Variants in ZMYND15 observed in about 807,000 individuals in gnomAD.
ZMYND15 encodes zinc finger MYND-type containing 15, also known as zinc finger MYND domain-containing protein 15.
Under a neutral mutation model 81.7 loss-of-function variants are expected in ZMYND15, and 54 were observed. The observed-to-expected ratio is 0.66, with a 90% CI of 0.53 to 0.83. ZMYND15 has a LOEUF of 0.83. Ranked by LOEUF, ZMYND15 falls within the 40% of genes least tolerant of loss-of-function variation. The pLI, the probability that ZMYND15 is intolerant of heterozygous loss-of-function variation, is 0.00. For synonymous variants in ZMYND15, 399 were observed against 387.0 expected, an observed-to-expected ratio of 1.03 and a Z score of -0.36; for missense variants, 925 against 973.5, an observed-to-expected ratio of 0.95 and a Z score of 0.66.
chr17:4,743,171 C>T lies in ZMYND15; in HGVS notation c.1145-132C>T, dbSNP rs1597282676. ...GGAGAATCGTTTGAGTCCAAGAGGT[C>T]GAGGCTGTAGTGTCCCGTGATCACG... On this transcript the variant is annotated intron_variant, in intron 5 of 13. Transcript: ENST00000433935. This position sits in a 1 kb window ranked among gnomAD's most constrained non-coding sequence, Gnocchi z 4.3. The T allele has an allele frequency of 4.7e-6, 5 of 1,069,236 alleles. No individual in the cohort carries two copies. Among genetic ancestry groups the T allele is most frequent in the Middle Eastern group, 2.7e-4 (1 of 3,736 alleles). 66.2% of individuals were successfully genotyped at this position (1,069,236 alleles called of 1,614,324 possible).
Position 4,744,945 on chromosome 17 carries a change from A to G in ZMYND15, c.1896+17A>G. 1 of 1,613,920 alleles carries G rather than the reference A, an allele frequency of 6.2e-7. No individual in the cohort carries two copies. Among genetic ancestry groups the G allele is most frequent in the Non-Finnish European group, 8.5e-7 (1 of 1,179,922 alleles). The stretch of plus-strand genomic sequence containing the variant: ...CGGTTACAGGTGGGCAATGGGGGCA[A>G]AAGGGAACTTCTCTCCCCTCCTGCC... On this transcript the variant is annotated intron_variant, in intron 12 of 13. Coordinates refer to ENST00000433935, the MANE Select transcript of ZMYND15 (RefSeq NM_001136046.3). The surrounding 1 kb of genome is among the most constrained non-coding windows in gnomAD (Gnocchi z 4.1).
In ZMYND15 at chr17:4,744,288, C is replaced by A. The variant is rs372699727; in HGVS notation, c.1584+10C>A. On this transcript the variant is annotated intron_variant, in intron 9 of 13. Transcript: ENST00000433935. The surrounding 1 kb of genome is among the most constrained non-coding windows in gnomAD (Gnocchi z 4.1). ...TGTCATGGTGTTTTGGGTAAGTCAC[C>A]CCAGGCCTGAAGGTTGGGCATTTTG... The A allele has an allele frequency of 6.2e-7, 1 of 1,614,016 alleles. No homozygotes were observed. The highest frequency in any genetic ancestry group is 8.5e-7 in the Non-Finnish European group (1 of 1,179,956).
chr17:4,744,894 A>G lies in ZMYND15; in HGVS notation c.1862A>G (p.Lys621Arg), dbSNP rs1916594222. ...GGATTTAACTCCGGGTTTGCTCTCA[A>G]GGATACGTGGCTGAGGTCTCTGCCC... ...VIGFNSGFAL[K>R]DTWLRSLPRL... The change falls in exon 12 of 14, where the codon AAG becomes AGG. Residue 621 changes from lysine to arginine, a missense_variant. By Grantham distance (26) the Lys-to-Arg change is conservative. Coordinates refer to ENST00000433935, the MANE Select transcript of ZMYND15 (RefSeq NM_001136046.3). This position sits in a 1 kb window ranked among gnomAD's most constrained non-coding sequence, Gnocchi z 4.1. 1.2e-6 allele frequency: 2 copies of G among 1,613,946 alleles called. No individual in the cohort carries two copies. Among genetic ancestry groups the G allele is most frequent in the African/African-American group, 1.3e-5 (1 of 74,886 alleles).
Position 4,744,949 on chromosome 17 carries a change from G to C in ZMYND15, c.1896+21G>C, listed in dbSNP as rs1288005429. Reference sequence around the variant, plus strand: ...TACAGGTGGGCAATGGGGGCAAAAGGGAACTTCTCTCCCCTCCTGCCTGGC... The same window carrying C: ...TACAGGTGGGCAATGGGGGCAAAAGCGAACTTCTCTCCCCTCCTGCCTGGC... On this transcript the variant is annotated intron_variant, in intron 12 of 13. Coordinates refer to ENST00000433935, the MANE Select transcript of ZMYND15 (RefSeq NM_001136046.3). The surrounding 1 kb of genome is among the most constrained non-coding windows in gnomAD (Gnocchi z 4.1). 1.2e-6 allele frequency: 2 copies of C among 1,613,858 alleles called. No individual in the cohort carries two copies. Among genetic ancestry groups the C allele is most frequent in the Non-Finnish European group, 1.7e-6 (2 of 1,179,922 alleles).
Position 4,744,038 on chromosome 17 carries a change from C to G in ZMYND15, c.1426C>G (p.Pro476Ala), listed in dbSNP as rs777874887. 2 of 1,553,706 alleles carry G rather than the reference C, an allele frequency of 1.3e-6. No homozygotes were observed. Among genetic ancestry groups the G allele is most frequent in the African/African-American group, 1.4e-5 (1 of 73,044 alleles). The change falls in exon 8 of 14, where the codon CCC becomes GCC. Residue 476 changes from proline to alanine, a missense_variant. Transcript: ENST00000433935. This position sits in a 1 kb window ranked among gnomAD's most constrained non-coding sequence, Gnocchi z 4.1. ...ATGGCGGGGCCTCAGCTTGGACTCCCCCATAGCCGTGCTTCTCACCTACCC... is the reference window on the plus strand; with the variant it reads ...ATGGCGGGGCCTCAGCTTGGACTCCGCCATAGCCGTGCTTCTCACCTACCC... The part of the protein sequence containing the change: ...YTWRGLSLDS[P>A]IAVLLTYPLT...
Position 4,743,360 on chromosome 17 carries a change from G to A in ZMYND15, c.1202G>A (p.Arg401His), listed in dbSNP as rs35005394. ...TTCCTGGCCTCTCGGGGCCTCACTC[G>A]TGGCTATTGGACCCAGCTCAGCATG... ...EAFLASRGLTRGYWTQLSMLI... is the reference protein window; with the variant it reads ...EAFLASRGLTHGYWTQLSMLI... Residue 401 changes from arginine (R) to histidine (H), a missense_variant, in exon 6 of 14, where the codon CGT (arginine) becomes CAT (histidine). By Grantham distance (29) the Arg-to-His change is conservative (BLOSUM62 0). Transcript: ENST00000433935. The surrounding 1 kb of genome is among the most constrained non-coding windows in gnomAD (Gnocchi z 4.3). 5,875 of 1,613,964 alleles carry A rather than the reference G, an allele frequency of 3.6e-3. 174 individuals are homozygous for A. In the African/African-American group the frequency reaches 0.066, roughly 18 times the overall value.
chr17:4,745,484 T>A lies in ZMYND15; in HGVS notation c.2057+109T>A. The A allele has an allele frequency of 7.4e-7, 1 of 1,344,650 alleles. No homozygotes were observed. The highest frequency in any genetic ancestry group is 1.0e-6 in the Non-Finnish European group (1 of 990,332). The allele number at this position is 1,344,650 out of a possible 1,614,324, so 83.3% of individuals were successfully genotyped here. On this transcript the variant is annotated intron_variant, in intron 13 of 13. Transcript: ENST00000433935. This position sits in a 1 kb window ranked among gnomAD's most constrained non-coding sequence, Gnocchi z 5.2. ...CCTAGTCCCTGCTGTCCTGGGGCCCTCCTGCCCCCAGCCCAGCAACCTGCC... is the reference window on the plus strand; with the variant it reads ...CCTAGTCCCTGCTGTCCTGGGGCCCACCTGCCCCCAGCCCAGCAACCTGCC...
chr17:4,741,242 C>G (rs973275281), intron 2 of ZMYND15, 102 bp downstream of exon 2: 30 of 1,297,218 alleles, frequency 2.3e-5, no homozygotes, highest in Middle Eastern at 2.8e-4. Flanking sequence ...TCAGGCCAAT[C>G]TGGCCTGAAA....
At position 4,744,568 on chromosome 17, in the gene ZMYND15, A is replaced by G. The variant is rs935911057; in HGVS notation, c.1684-57A>G. ...CCCCACTCCCCATCTTGCCTGGTGC[A>G]TCCTCCAGTTCCCTGACTTCCAGTG... is the stretch of plus-strand genomic sequence containing the variant. On this transcript the variant is annotated intron_variant, in intron 10 of 13. Transcript: ENST00000433935. This position sits in a 1 kb window ranked among gnomAD's most constrained non-coding sequence, Gnocchi z 4.1. 6.4e-5 allele frequency: 102 copies of G among 1,602,014 alleles called. No homozygotes were observed. Among genetic ancestry groups the G allele is most frequent in the Middle Eastern group, 3.8e-4 (2 of 5,232 alleles).
chr17:4,740,123 G>A (rs1916317373), intron 1 of ZMYND15, 73 bp downstream of exon 1: 2 of 973,862 alleles, frequency 2.1e-6, no homozygotes, highest in South Asian at 4.7e-5. Context: ...CCGAGCCCAG[G>A]GAACCCCCTC....
rs1916535838 is a variant in ZMYND15, at chr17:4,743,686, C to A, written c.1298-81C>A. 1 of 1,435,646 alleles carries A rather than the reference C, an allele frequency of 7.0e-7. No individual in the cohort carries two copies. The highest frequency in any genetic ancestry group is 2.2e-5 in the Admixed American group (1 of 45,444). The allele number at this position is 1,435,646 out of a possible 1,614,324, so 88.9% of individuals were successfully genotyped here. ...CTTACTGCGGCTGTCTCAGGGAATA[C>A]AGCCCCTTTGGAAGGAAGAAAGAGA... On this transcript the variant is annotated intron_variant, in intron 6 of 13. Transcript: ENST00000433935. This position sits in a 1 kb window ranked among gnomAD's most constrained non-coding sequence, Gnocchi z 4.3.
Position 4,745,274 on chromosome 17 carries a change from C to T in ZMYND15, c.1956C>T (p.Gly652=), listed in dbSNP as rs1916612291. The change falls in exon 13 of 14, where the codon GGC becomes GGT. Residue 652 remains glycine (G), a synonymous_variant. Transcript: ENST00000433935. The surrounding 1 kb of genome is among the most constrained non-coding windows in gnomAD (Gnocchi z 5.2). Reference sequence around the variant, plus strand: ...GCGAGTACAGCTGTGTGATGGACGGCCAGACCATGGCGGTGGCCACTGGAG... The same window carrying T: ...GCGAGTACAGCTGTGTGATGGACGGTCAGACCATGGCGGTGGCCACTGGAG... ...ESSEYSCVMD[G]QTMAVATGGG... 2 of 1,613,890 alleles carry T rather than the reference C, an allele frequency of 1.2e-6. No homozygotes were observed. The highest frequency in any genetic ancestry group is 1.7e-5 in the Admixed American group (1 of 59,984).
In ZMYND15 at chr17:4,745,947, G is replaced by C; in HGVS notation, c.2186G>C (p.Arg729Pro). ...SAPPAPTRRR[R>P]GEKKPGRGAR... ...CCTCCTGCCCCCACCCGAAGGCGCC[G>C]AGGAGAAAAGAAACCTGGGCGGGGG... Residue 729 changes from arginine to proline, a missense_variant, in exon 14 of 14, where the codon CGA becomes CCA. Physicochemically the swap from Arg to Pro is moderately radical, Grantham distance 103. Coordinates refer to ENST00000433935, the MANE Select transcript of ZMYND15 (RefSeq NM_001136046.3). This position sits in a 1 kb window ranked among gnomAD's most constrained non-coding sequence, Gnocchi z 5.2. 1 of 1,468,536 alleles carries C rather than the reference G, an allele frequency of 6.8e-7. No homozygotes were observed. The allele number at this position is 1,468,536 out of a possible 1,614,324, so 91.0% of individuals were successfully genotyped here.
At position 4,740,883 on chromosome 17, in the gene ZMYND15, G is replaced by T. The variant is rs2150625425; in HGVS notation, c.335G>T (p.Gly112Val). Residue 112 changes from glycine (G) to valine (V), a missense_variant, in exon 2 of 14, where the codon GGG (glycine) becomes GTG (valine). By Grantham distance (109) the Gly-to-Val change is moderately radical. Coordinates refer to ENST00000433935, the MANE Select transcript of ZMYND15 (RefSeq NM_001136046.3). ...PYISFVSLED[G>V]EEGEEEEEED... The stretch of plus-strand genomic sequence containing the variant: ...ATCAGCTTTGTCAGCCTAGAGGATG[G>T]GGAGGAAGGGGAGGAGGAAGAGGAG... The T allele has an allele frequency of 6.3e-7, 1 of 1,577,604 alleles. No homozygotes were observed. The highest frequency in any genetic ancestry group is 8.6e-7 in the Non-Finnish European group (1 of 1,159,498).
At position 4,741,158 on chromosome 17, in the gene ZMYND15, G is replaced by GC. The variant is rs1452717228; in HGVS notation, c.592+21dup. On this transcript the variant is annotated intron_variant, in intron 2 of 13. Transcript: ENST00000433935. ...GAGGAGTGGTAAGAACCCAGGGCTG[G>GC]CCCTGCCCTACCCCTTGCCCAGCCA... 2.1e-6 allele frequency: 3 copies of GC among 1,429,564 alleles called. No homozygotes were observed. The highest frequency in any genetic ancestry group is 3.0e-5 in the Admixed American group (1 of 33,160). 88.6% of individuals were successfully genotyped at this position (1,429,564 alleles called of 1,614,324 possible).
In ZMYND15 at chr17:4,745,145, G is replaced by C; in HGVS notation, c.1897-70G>C. 1.9e-6 allele frequency: 3 copies of C among 1,610,668 alleles called. No individual in the cohort carries two copies. The highest frequency in any genetic ancestry group is 1.7e-6 in the Non-Finnish European group (2 of 1,178,390). On this transcript the variant is annotated intron_variant, in intron 12 of 13. Coordinates refer to ENST00000433935, the MANE Select transcript of ZMYND15 (RefSeq NM_001136046.3). This position sits in a 1 kb window ranked among gnomAD's most constrained non-coding sequence, Gnocchi z 5.2. Reference sequence around the variant, plus strand: ...GTCCGGGGACCTCGGCTTTCAGCCCGGTCTGTCATTCTGGCTGCTGGGATG... The same window carrying C: ...GTCCGGGGACCTCGGCTTTCAGCCCCGTCTGTCATTCTGGCTGCTGGGATG...
chr17:4,740,735 C>T lies in ZMYND15; in HGVS notation c.187C>T (p.Pro63Ser). 1.2e-6 allele frequency: 2 copies of T among 1,609,682 alleles called. No homozygotes were observed. Among genetic ancestry groups the T allele is most frequent in the Middle Eastern group, 1.7e-4 (1 of 6,046 alleles). Reference protein sequence around the residue: ...DPALWVLHVLPNHSVGISLGQ... With the variant: ...DPALWVLHVLSNHSVGISLGQ... ...TGCCCTTTGGGTGCTCCATGTCCTG[C>T]CCAACCATAGTGTGGGCATCAGCCT... is the stretch of plus-strand genomic sequence containing the variant. Residue 63 changes from proline to serine, a missense_variant, in exon 2 of 14, where the codon CCC (proline) becomes TCC (serine). By Grantham distance (74) the Pro-to-Ser change is moderately conservative. Transcript: ENST00000433935.
chr17:4,740,366 C>G, intron 1 of ZMYND15, 153 bp from the exon 2 acceptor site: 1 of 1,277,384 alleles, frequency 7.8e-7, no homozygotes, highest in Non-Finnish European at 1.0e-6. Context: ...CTCCCATCCT[C>G]AGCCCTGAAA....
Position 4,740,818 on chromosome 17 carries a change from A to T in ZMYND15, c.270A>T (p.Gly90=). The T allele has an allele frequency of 6.3e-7, 1 of 1,585,144 alleles. No individual in the cohort carries two copies. The highest frequency in any genetic ancestry group is 1.3e-5 in the African/African-American group (1 of 74,410). The part of the protein sequence containing the change: ...GPGLGTAWLL[G]DNPPLHLRDL... The stretch of plus-strand genomic sequence containing the variant: ...GCCTGGGGACTGCCTGGCTCCTGGG[A>T]GACAACCCTCCACTCCACCTGCGAG... Residue 90 remains glycine (G), a synonymous_variant, in exon 2 of 14, where the codon GGA becomes GGT. Transcript: ENST00000433935.
Sources: gnomAD v4.1 joint callset for allele counts on GRCh38, gnomAD v4.1.1 for gene constraint, Gnocchi (gnomAD v3.1) non-coding constraint, MANE v1.5 for transcripts, NCBI Gene and HGNC (gene_info 2026-07-23, HGNC 2026-07-21) for gene names.